The following TRPA1 variants were observed in gnomAD, a reference collection of about 807,000 sequenced individuals.
TRPA1 encodes the protein transient receptor potential cation channel subfamily A member 1.
A neutral mutation model predicts 131.3 loss-of-function variants in TRPA1; 129 were observed. The observed-to-expected ratio is 0.98, with a 90% CI of 0.85 to 1.14. The LOEUF (loss-of-function observed/expected upper bound fraction) is 1.14. TRPA1 is among the 50% of genes most tolerant of loss of function. The pLI is 0.00. For missense variants in TRPA1, 1,304 were observed against 1,354.2 expected (o/e 0.96, Z 0.58); for synonymous variants, 441 against 451.7 (o/e 0.98, Z 0.30).
chr8:72,063,552 G>A lies in TRPA1; in HGVS notation c.572C>T (p.Pro191Leu), dbSNP rs767210932. 3.1e-6 allele frequency: 5 copies of A among 1,613,050 alleles called. No homozygotes were observed. The African/African-American group carries it at 6.7e-5, about 22-fold the overall frequency. ...ACATCCCCATTTATTTGATTTACAT[G>A]GCTTAGCTCCTTTTTTAAGCTGGAA... The part of the protein sequence containing the change: ...LQILLKKGAK[P>L]CKSNKWGCFP... Residue 191 changes from proline (P) to leucine (L), a missense_variant, in exon 5 of 27, where the codon CCA becomes CTA. Coordinates refer to ENST00000262209, the MANE Select transcript of TRPA1 (RefSeq NM_007332.3).
At position 72,059,502 on chromosome 8, in the gene TRPA1, A is replaced by G. The variant is rs1805755220; in HGVS notation, c.945-64T>C. 5 of 1,003,834 alleles carry G rather than the reference A, an allele frequency of 5.0e-6. No homozygotes were observed. In the Admixed American group the frequency reaches 8.0e-5, roughly 16 times the overall value. The allele number at this position is 1,003,834 out of a possible 1,614,324, so 62.2% of individuals were successfully genotyped here. A position where few individuals can be genotyped will look rare whatever the true frequency, so the allele number is the denominator to read the frequency against. On this transcript the variant is annotated intron_variant, in intron 7 of 26. Transcript: ENST00000262209. Reference sequence around the variant, plus strand: ...TATTGATGTAAATAAAATGTATTTAATAAAGCTACTATATTCGGAAAGTGA... The same window carrying G: ...TATTGATGTAAATAAAATGTATTTAGTAAAGCTACTATATTCGGAAAGTGA...
intron 10 of TRPA1, 28 bp from the exon 11 acceptor site, chr8:72,055,883 A>T: frequency 6.2e-7 from 1 of 1,608,162 alleles, no homozygotes; most frequent in Non-Finnish European, 8.5e-7. Context: ...TATCATACAA[A>T]TAACTCTGCT....
chr8:72,057,344 C>G (rs765312113), intron 9 of TRPA1, among the ~76,000 whole-genome samples: 1 of 152,098 alleles, frequency 6.6e-6, no homozygotes, highest in African/African-American at 2.4e-5. Flanking sequence ...AAGGACACCT[C>G]GCTCCTTTGT....
intron 8 of TRPA1, among the ~76,000 whole-genome samples, chr8:72,058,546 T>C (rs1293429497): frequency 6.6e-5 from 10 of 152,138 alleles, no homozygotes; most frequent in Admixed American, 6.5e-4. Flanking sequence ...TGAATATAGA[T>C]GACAATGGGG....
chr8:72,047,159 G>A lies in TRPA1; in HGVS notation c.1954C>T (p.Arg652Ter), dbSNP rs200577993. 314 of 1,608,260 alleles carry A rather than the reference G, an allele frequency of 2.0e-4. No individual in the cohort carries two copies. Among genetic ancestry groups the A allele is most frequent in the Non-Finnish European group, 2.5e-4 (297 of 1,175,966 alleles). ...TAAAATAAACTTACATAATAGTCTCGGCAGGACTTGTCTTCTGTGGAATGC... is the reference window on the plus strand; with the variant it reads ...TAAAATAAACTTACATAATAGTCTCAGCAGGACTTGTCTTCTGTGGAATGC... ...MLHSTEDKSC[R>*]DYYIEYNFKY... is the part of the protein sequence containing the mutation. The change falls in exon 16 of 27, where the codon CGA becomes TGA. Residue 652 changes from arginine to a stop codon, truncating the protein, a stop_gained. Transcript: ENST00000262209. LOFTEE classifies it high-confidence loss of function.
chr8:72,065,297 AC>A (rs1194938444), intron 4 of TRPA1, among the ~76,000 whole-genome samples, 153 bp downstream of exon 4: 3 of 152,206 alleles, frequency 2.0e-5, no homozygotes, highest in African/African-American at 7.2e-5. Flanking sequence ...GAGTACATAT[AC>A]AAAAACACAT....
chr8:72,031,629 A>G (rs1156982011), intron 23 of TRPA1, among the ~76,000 whole-genome samples: 3 of 151,980 alleles, frequency 2.0e-5, no homozygotes, highest in East Asian at 1.9e-4. Context: ...ACAAACAAAC[A>G]ACAAAAACTA....
intron 3 of TRPA1, among the ~76,000 whole-genome samples, chr8:72,067,952 G>A (rs981695869): frequency 6.6e-6 from 1 of 152,198 alleles, no homozygotes; most frequent in Admixed American, 6.5e-5. Context: ...TGAGGAATAA[G>A]AGATACTTGA....
At chr8:72,033,527 G>A in intron 23 of TRPA1, 117 bp downstream of exon 23, 7 of 997,188 alleles carry the variant, frequency 7.0e-6, no homozygotes, top group South Asian at 1.5e-5. Flanking sequence ...AATAGATTTT[G>A]TAGTAGATCC....
rs750470192 is a variant in TRPA1, at chr8:72,050,827, T to C, written c.1856A>G (p.Asn619Ser). The C allele has an allele frequency of 2.0e-5, 33 of 1,611,970 alleles. No individual in the cohort carries two copies. Among genetic ancestry groups the C allele is most frequent in the Non-Finnish European group, 2.8e-5 (33 of 1,179,108 alleles). ...TATCATTTCTGTAATTGGACATTTA[T>C]TGCCTGGAGAATTATGACTGAAAAT... is the stretch of plus-strand genomic sequence containing the variant. ...LKIFSHNSPG[N>S]KCPITEMIEY... The change falls in exon 15 of 27, where the codon AAT becomes AGT. Residue 619 changes from asparagine (N) to serine (S), a missense_variant. Coordinates refer to ENST00000262209, the MANE Select transcript of TRPA1 (RefSeq NM_007332.3).
chr8:72,074,368 A>G (rs1806130018), intron 1 of TRPA1, among the ~76,000 whole-genome samples: 1 of 152,242 alleles, frequency 6.6e-6, no homozygotes, highest in African/African-American at 2.4e-5. Flanking sequence ...TCAGAGTGGA[A>G]ATCTGTGAGT....
intron 17 of TRPA1, among the ~76,000 whole-genome samples, chr8:72,044,276 G>A (rs1812353801): frequency 6.6e-6 from 1 of 150,616 alleles, no homozygotes; most frequent in South Asian, 2.1e-4. Flanking sequence ...ACGTAGATTT[G>A]ACTTTTTTTC....
chr8:72,039,120 G>T, intron 18 of TRPA1, 93 bp from the exon 19 acceptor site: 1 of 1,261,534 alleles, frequency 7.9e-7, no homozygotes, highest in Non-Finnish European at 1.1e-6. Context: ...ACCTCTTTCA[G>T]AAACCTTGTT....
chr8:72,038,141 C>A, intron 19 of TRPA1, 69 bp from the exon 20 acceptor site: 1 of 821,330 alleles, frequency 1.2e-6, no homozygotes, highest in Non-Finnish European at 2.0e-6. Context: ...CCATAATTTT[C>A]ACTATTAAAT....
the TRPA1 span, among the ~76,000 whole-genome samples, chr8:72,088,093 C>T: frequency 6.6e-6 from 1 of 152,306 alleles, no homozygotes; most frequent in South Asian, 2.1e-4. Flanking sequence ...TAGCCTAGCT[C>T]TCACCTTCGT....
rs1473520139 is a variant in TRPA1, at chr8:72,065,477, T to G, written c.526A>C (p.Asn176His). 2 of 1,613,538 alleles carry G rather than the reference T, an allele frequency of 1.2e-6. No individual in the cohort carries two copies. Among genetic ancestry groups the G allele is most frequent in the Admixed American group, 3.3e-5 (2 of 59,978 alleles). ...NTAVIIACTT[N>H]NSEALQILLK... ...AAAATCTGCAATGCTTCGCTATTATTTGTGGTGCACGCAATGATCACAGCT... is the reference window on the plus strand; with the variant it reads ...AAAATCTGCAATGCTTCGCTATTATGTGTGGTGCACGCAATGATCACAGCT... The change falls in exon 4 of 27, where the codon AAT (asparagine) becomes CAT (histidine). Residue 176 changes from asparagine to histidine, a missense_variant. Transcript: ENST00000262209.
chr8:72,071,987 T>C (rs1417508129), intron 1 of TRPA1, 120 bp from the exon 2 acceptor site: 1 of 903,104 alleles, frequency 1.1e-6, no homozygotes, highest in African/African-American at 1.7e-5. Flanking sequence ...TTATATGAGG[T>C]AAATATTTTT....
the TRPA1 span, among the ~76,000 whole-genome samples, chr8:72,088,808 T>C: frequency 6.6e-6 from 1 of 152,166 alleles, no homozygotes; most frequent in Non-Finnish European, 1.5e-5. Flanking sequence ...CCTAAGCATA[T>C]CTTGCTCTTT....
intron 13 of TRPA1, chr8:72,053,203 C>T (rs1453441842): frequency 4.9e-6 from 1 of 205,566 alleles, no homozygotes; most frequent in Non-Finnish European, 9.9e-6. Context: ...TTTGGGGCTT[C>T]ACAAGCTTGT....
Sources: gnomAD v4.1 joint callset for allele counts (sites outside exome capture counted in the v4.1 genomes callset) on GRCh38, gnomAD v4.1.1 for gene constraint, MANE v1.5 for transcripts, NCBI Gene and HGNC (gene_info 2026-07-23, HGNC 2026-07-21) for gene names.